The following ZSWIM3 variants were observed in gnomAD, a reference collection of about 807,000 sequenced individuals.
The protein encoded by ZSWIM3 is zinc finger SWIM-type containing 3.
Under a neutral mutation model 47.5 loss-of-function variants are expected in ZSWIM3, and 27 were observed. That is an observed-to-expected ratio of 0.57 (90% confidence interval 0.42 to 0.78). ZSWIM3 has a LOEUF of 0.78. ZSWIM3 is among the 30% of genes least tolerant of loss of function. The pLI, the probability that ZSWIM3 is intolerant of heterozygous loss-of-function variation, is 0.00. For synonymous variants in ZSWIM3, 333 were observed against 333.9 expected (o/e 1.00, Z 0.03); for missense variants, 689 against 861.3 (o/e 0.80, Z 2.50).
Position 45,878,311 on chromosome 20 carries a change from C to T in ZSWIM3, c.1753C>T (p.Gln585Ter), listed in dbSNP as rs1568750428. 6.2e-7 allele frequency: 1 copy of T among 1,614,238 alleles called. No homozygotes were observed. ...TGAAGCCATGGTGTGCCGCCGGTGGCAGAAGAAGTACCAGTACCTCCTTGG... is the reference window on the plus strand; with the variant it reads ...TGAAGCCATGGTGTGCCGCCGGTGGTAGAAGAAGTACCAGTACCTCCTTGG... ...VGEAMVCRRW[Q>*]KKYQYLLGPN... The change falls in exon 2 of 2, where the codon CAG becomes TAG. Residue 585 changes from glutamine to a stop codon, truncating the protein, a stop_gained. Transcript: ENST00000255152. LOFTEE classifies it high-confidence loss of function.
At chr20:45,873,574 T>C (rs1986024772) in intron 1 of ZSWIM3, among the ~76,000 whole-genome samples, 1 of 152,214 alleles carries the variant, frequency 6.6e-6, no homozygotes, top group Non-Finnish European at 1.5e-5. Context: ...CTAACTTGTA[T>C]TTAGGGTAAA....
At chr20:45,871,480 A>T (rs889819616) in intron 1 of ZSWIM3, among the ~76,000 whole-genome samples, 1 of 152,316 alleles carries the variant, frequency 6.6e-6, no homozygotes, top group Non-Finnish European at 1.5e-5. Flanking sequence ...GATCACTGGG[A>T]TAGAATTTTC....
chr20:45,861,694 C>T (rs573945566), intron 1 of ZSWIM3, among the ~76,000 whole-genome samples: 36 of 152,176 alleles, frequency 2.4e-4, no homozygotes, highest in Non-Finnish European at 5.0e-4. Context: ...ACTACCTCAG[C>T]CTCCTAAGTA....
In ZSWIM3 at chr20:45,872,710, C is replaced by G. The variant is rs1986000641; in HGVS notation, c.156-4004C>G. The G allele has an allele frequency of 6.2e-6, 8 of 1,288,070 alleles. No homozygotes were observed. In the South Asian group the frequency reaches 9.9e-5, roughly 16 times the overall value. The allele number at this position is 1,288,070 out of a possible 1,614,324, so 79.8% of individuals were successfully genotyped here. ...GGTGATGAAAACAAGGCTGGAGAGA[C>G]AAGCGGAGACCACAAGTGGTCACCC... is the stretch of plus-strand genomic sequence containing the variant. On this transcript the variant is annotated intron_variant, in intron 1 of 1. Transcript: ENST00000255152.
chr20:45,878,489 C>A lies in ZSWIM3; in HGVS notation c.1931C>A (p.Thr644Asn). The A allele has an allele frequency of 6.2e-7, 1 of 1,614,242 alleles. No individual in the cohort carries two copies. The highest frequency in any genetic ancestry group is 1.1e-5 in the South Asian group (1 of 91,088). Residue 644 changes from threonine (T) to asparagine (N), a missense_variant, in exon 2 of 2, where the codon ACC becomes AAC. Physicochemically the swap from Thr to Asn is moderately conservative, Grantham distance 65. Coordinates refer to ENST00000255152, the MANE Select transcript of ZSWIM3 (RefSeq NM_080752.4). ...EGPELEERYSTLRKIVDIWAG... is the reference protein window; with the variant it reads ...EGPELEERYSNLRKIVDIWAG... ...CCAGAGCTGGAGGAACGCTACTCCA[C>A]CCTGCGCAAGATTGTGGATATCTGG...
intron 1 of ZSWIM3, among the ~76,000 whole-genome samples, chr20:45,875,030 T>C (rs1039022188): frequency 5.6e-5 from 8 of 143,946 alleles, no homozygotes; most frequent in Admixed American, 5.5e-4. Flanking sequence ...GGGTTTTAAT[T>C]TTAACTTTTT....
At chr20:45,871,166 T>A (rs1985966826) in intron 1 of ZSWIM3, among the ~76,000 whole-genome samples, 1 of 152,254 alleles carries the variant, frequency 6.6e-6, no homozygotes. Flanking sequence ...TATATTCATC[T>A]GTACTTACTG....
chr20:45,878,093 A>G lies in ZSWIM3; in HGVS notation c.1535A>G (p.Asn512Ser), dbSNP rs1986150119. ...GSELAYKLCH[N>S]EWEVVQNSTH... Reference sequence around the variant, plus strand: ...GAACTAGCCTACAAGCTGTGCCACAATGAGTGGGAGGTGGTACAGAACTCC... The same window carrying G: ...GAACTAGCCTACAAGCTGTGCCACAGTGAGTGGGAGGTGGTACAGAACTCC... The change falls in exon 2 of 2, where the codon AAT becomes AGT. Residue 512 changes from asparagine to serine, a missense_variant. Transcript: ENST00000255152. The G allele has an allele frequency of 6.2e-7, 1 of 1,614,202 alleles. No individual in the cohort carries two copies. The highest frequency in any genetic ancestry group is 8.5e-7 in the Non-Finnish European group (1 of 1,180,026).
At chr20:45,869,418 C>G (rs894190697) in intron 1 of ZSWIM3, among the ~76,000 whole-genome samples, 2 of 151,704 alleles carry the variant, frequency 1.3e-5, no homozygotes, top group African/African-American at 2.4e-5. Flanking sequence ...ACTCGGGAGG[C>G]TGAGGCAGGA....
chr20:45,873,732 G>A (rs1464757622), intron 1 of ZSWIM3, among the ~76,000 whole-genome samples: 1 of 152,166 alleles, frequency 6.6e-6, no homozygotes, highest in Non-Finnish European at 1.5e-5. Context: ...CTTATGAGTA[G>A]TAGAGCCAGT....
intron 1 of ZSWIM3, among the ~76,000 whole-genome samples, chr20:45,862,188 G>A (rs1214515410): frequency 1.2e-4 from 18 of 146,158 alleles, no homozygotes; most frequent in South Asian, 2.2e-4. Flanking sequence ...TCGCTCTGTC[G>A]CCAGGCTGGA....
At chr20:45,870,484 G>A (rs1027656318) in intron 1 of ZSWIM3, among the ~76,000 whole-genome samples, 6 of 152,152 alleles carry the variant, frequency 3.9e-5, no homozygotes, top group African/African-American at 7.2e-5. Context: ...ATGTGGGGGA[G>A]GAATGACAAC....
chr20:45,866,920 G>C (rs1296394394), intron 1 of ZSWIM3, among the ~76,000 whole-genome samples: 2 of 151,556 alleles, frequency 1.3e-5, no homozygotes, highest in Non-Finnish European at 2.9e-5. Context: ...ATTTGAAAGA[G>C]AGTCAAAGAT....
chr20:45,860,427 A>ATTGC (rs60887118), intron 1 of ZSWIM3, among the ~76,000 whole-genome samples: 103,006 of 150,222 alleles, frequency 0.69, 35,250 homozygotes, highest in Admixed American at 0.75. Context: ...AGGCAGCAGA[A>ATTGC]TTGCAGCCGG....
rs765560893 is a variant in ZSWIM3, at chr20:45,859,792, C to CAAA, written c.155+1834_155+1836dup. On this transcript the variant is annotated intron_variant, in intron 1 of 1. Transcript: ENST00000255152. ...ACCTTGCTAAGCAATGAGAGGAATA[C>CAAA]AAAAAAAAAAAAAAAAAAAAAAAAC... Among the ~76,000 whole-genome samples the CAAA allele has an allele frequency of 4.1e-3, 212 of 52,072 alleles. 1 individual carries two copies. Among genetic ancestry groups the CAAA allele is most frequent in the African/African-American group, 0.011 (183 of 16,234 alleles). 34.2% of individuals were successfully genotyped at this position (52,072 alleles called of 152,430 possible).
rs1986172742 is a variant in ZSWIM3 at position 45,878,716 on chromosome 20, A to T, written c.*67A>T. On this transcript the variant is annotated 3_prime_UTR_variant, in exon 2 of 2. Coordinates refer to ENST00000255152, the MANE Select transcript of ZSWIM3 (RefSeq NM_080752.4). Reference sequence around the variant, plus strand: ...GGAAGTGTGAGAGTTTAAAGTGGGCAGGACATACTAGGGTTTAGCATTTTA... The same window carrying T: ...GGAAGTGTGAGAGTTTAAAGTGGGCTGGACATACTAGGGTTTAGCATTTTA... The T allele has an allele frequency of 6.5e-7, 1 of 1,529,920 alleles. No individual in the cohort carries two copies. Among genetic ancestry groups the T allele is most frequent in the East Asian group, 2.3e-5 (1 of 44,140 alleles). The allele number at this position is 1,529,920 out of a possible 1,614,324, so 94.8% of individuals were successfully genotyped here. A position where few individuals can be genotyped will look rare whatever the true frequency, so the allele number is the denominator to read the frequency against.
chr20:45,877,053 C>T lies in ZSWIM3; in HGVS notation c.495C>T (p.Gly165=), dbSNP rs756504894. 2 of 1,614,206 alleles carry T rather than the reference C, an allele frequency of 1.2e-6. No homozygotes were observed. Among genetic ancestry groups the T allele is most frequent in the Non-Finnish European group, 1.7e-6 (2 of 1,180,036 alleles). ...TGTCCTCAAAGCCAGAGCAGGAAGG[C>T]ATCACTCCTTCTGACCTGGCCAAGA... is the stretch of plus-strand genomic sequence containing the variant. The part of the protein sequence containing the change: ...VQVSSKPEQE[G]ITPSDLAKIA... Residue 165 remains glycine (G), a synonymous_variant, in exon 2 of 2, where the codon GGC becomes GGT. Coordinates refer to ENST00000255152, the MANE Select transcript of ZSWIM3 (RefSeq NM_080752.4).
intron 1 of ZSWIM3, chr20:45,872,715 G>A (rs1243591404): frequency 5.4e-6 from 7 of 1,288,350 alleles, no homozygotes; most frequent in South Asian, 1.2e-5. Context: ...AGAGACAAGC[G>A]GAGACCACAA....
intron 1 of ZSWIM3, among the ~76,000 whole-genome samples, chr20:45,862,486 TTTAC>T (rs796192673): frequency 0.018 from 2,753 of 151,558 alleles, 91 homozygotes; most frequent in African/African-American, 0.064. Context: ...TTTTTATTTA[TTTAC>T]TTACTTACTT....
Sources: gnomAD v4.1 joint callset for allele counts (sites outside exome capture counted in the v4.1 genomes callset) on GRCh38, gnomAD v4.1.1 for gene constraint, MANE v1.5 for transcripts, NCBI Gene and HGNC (gene_info 2026-07-23, HGNC 2026-07-21) for gene names.